The following USP7 variants were observed in gnomAD, a reference collection of about 807,000 sequenced individuals.
USP7 encodes ubiquitin C-terminal hydrolase 7.
In USP7, 9 loss-of-function variants were observed where a neutral mutation model predicts 162.9. That is an observed-to-expected ratio of 0.06 (90% CI 0.03 to 0.10). USP7 has a LOEUF of 0.10. USP7 is among the 10% of genes least tolerant of loss of function. USP7 has a pLI of 1.00. For missense variants in USP7, 715 were observed against 1,373.7 expected (o/e 0.52, Z 7.58); for synonymous variants, 562 against 475.9 (o/e 1.18, Z -2.35).
intron 25 of USP7, 78 bp from the exon 26 acceptor site, chr16:8,897,177 G>C (rs1489447928): frequency 1.7e-6 from 2 of 1,152,420 alleles, no homozygotes; most frequent in Non-Finnish European, 2.6e-6. Flanking sequence ...AGAGGAGAAA[G>C]TTGCATCATT....
At chr16:8,906,925 T>C (rs2061869522) in intron 12 of USP7, among the ~76,000 whole-genome samples, 1 of 152,254 alleles carries the variant, frequency 6.6e-6, no homozygotes, top group Non-Finnish European at 1.5e-5. Context: ...CCACTCTGAA[T>C]ATTGACTTAG....
intron 10 of USP7, among the ~76,000 whole-genome samples, chr16:8,912,684 G>A (rs2061966452): frequency 6.6e-6 from 1 of 150,924 alleles, no homozygotes; most frequent in African/African-American, 2.4e-5. Flanking sequence ...CACTTCGGGA[G>A]GCCAAGGCGG....
At chr16:8,915,142 A>G in intron 10 of USP7, 112 bp downstream of exon 10, 2 of 1,020,490 alleles carry the variant, frequency 2.0e-6, no homozygotes, top group Non-Finnish European at 2.8e-6. Flanking sequence ...TTAAGATCTG[A>G]GCCATTCTCT....
intron 1 of USP7, among the ~76,000 whole-genome samples, chr16:8,959,336 C>T (rs1484683808): frequency 6.9e-6 from 1 of 145,252 alleles, no homozygotes; most frequent in East Asian, 2.0e-4. Flanking sequence ...ACCTCTTTCT[C>T]CTTTTCCAAA....
chr16:8,934,448 A>AT (rs1567235690), intron 1 of USP7, among the ~76,000 whole-genome samples: 1 of 152,270 alleles, frequency 6.6e-6, no homozygotes, highest in Non-Finnish European at 1.5e-5. Context: ...TCAAGAGCGC[A>AT]TAACATCTTA....
At chr16:8,945,489 A>C (rs1323189093) in intron 1 of USP7, among the ~76,000 whole-genome samples, 1 of 152,206 alleles carries the variant, frequency 6.6e-6, no homozygotes, top group Non-Finnish European at 1.5e-5. Flanking sequence ...GGAACAGTTC[A>C]ACCTATAAAC....
At chr16:8,953,129 T>C (rs1490163190) in intron 1 of USP7, among the ~76,000 whole-genome samples, 1 of 152,120 alleles carries the variant, frequency 6.6e-6, no homozygotes, top group African/African-American at 2.4e-5. Flanking sequence ...CCACTATGCC[T>C]GGCCTCACCA....
In USP7 at chr16:8,943,551, G is replaced by A. The variant is rs186391071; in HGVS notation, c.80-13154C>T. ...CCCCAATGCCATGAGAAACACAAAC[G>A]ACTAACCAACAGGCTCCACCTCCCT... On this transcript the variant is annotated intron_variant, in intron 1 of 30. Coordinates refer to ENST00000344836, the MANE Select transcript of USP7 (RefSeq NM_003470.3). Among the ~76,000 whole-genome samples the A allele has an allele frequency of 2.7e-5, 4 of 150,774 alleles. No individual in the cohort carries two copies. The East Asian group carries it at 5.9e-4, about 22-fold the overall frequency.
At chr16:8,962,483 G>A (rs1418019253) in intron 1 of USP7, 3 of 450,688 alleles carry the variant, frequency 6.7e-6, no homozygotes, top group East Asian at 1.4e-4. Context: ...TACCTTTCGA[G>A]TCAGGTTTGA....
At chr16:8,955,534 C>A (rs980418260) in intron 1 of USP7, among the ~76,000 whole-genome samples, 1 of 151,982 alleles carries the variant, frequency 6.6e-6, no homozygotes, top group Admixed American at 6.5e-5. Context: ...ATGGGGAAAC[C>A]GTCTCTACTA....
intron 22 of USP7, 178 bp downstream of exon 22, chr16:8,899,426 T>C (rs2061740612): frequency 2.2e-6 from 2 of 890,136 alleles, no homozygotes; most frequent in Non-Finnish European, 1.7e-6. Context: ...GGTTCTTTTC[T>C]GATGGCGATT....
intron 4 of USP7, 46 bp downstream of exon 4, chr16:8,921,111 A>T (rs1596379182): frequency 6.4e-7 from 1 of 1,574,000 alleles, no homozygotes; most frequent in Non-Finnish European, 8.6e-7. Flanking sequence ...AGGGAACAAC[A>T]AGCAGTAATG....
chr16:8,963,200 G>C lies in USP7; in HGVS notation c.79+7C>G. The C allele has an allele frequency of 2.8e-6, 4 of 1,414,670 alleles. No homozygotes were observed. Among genetic ancestry groups the C allele is most frequent in the Middle Eastern group, 2.3e-4 (1 of 4,414 alleles). 87.6% of individuals were successfully genotyped at this position (1,414,670 alleles called of 1,614,324 possible). A position where few individuals can be genotyped will look rare whatever the true frequency, so the allele number is the denominator to read the frequency against. On this transcript the variant is annotated splice_region_variant and intron_variant, in intron 1 of 30. Transcript: ENST00000344836. ...CGGCCCCGCCGCGGCCGGCCCTCGG[G>C]CCTCACCTTCCATCTCCATGTCCTC...
intron 18 of USP7, chr16:8,901,826 TAGCAC>T: frequency 2.0e-6 from 1 of 494,326 alleles, no homozygotes; most frequent in Non-Finnish European, 3.6e-6. Context: ...CCAACGTGAT[TAGCAC>T]AGCACAGCAG....
At chr16:8,947,346 TC>T (rs565993351) in intron 1 of USP7, among the ~76,000 whole-genome samples, 54 of 148,044 alleles carry the variant, frequency 3.6e-4, no homozygotes, top group Admixed American at 1.2e-3. Context: ...TCCACAGCAC[TC>T]CCCCCCCCAA....
chr16:8,902,859 AGAGT>A (rs2141174930), intron 16 of USP7, among the ~76,000 whole-genome samples: 1 of 152,308 alleles, frequency 6.6e-6, no homozygotes, highest in African/African-American at 2.4e-5. Flanking sequence ...CTGGGCAACA[AGAGT>A]GAAACTCTGT....
At chr16:8,916,968 C>CT in intron 7 of USP7, 58 bp downstream of exon 7, 11 of 648,774 alleles carry the variant, frequency 1.7e-5, no homozygotes, top group Non-Finnish European at 2.6e-5. Flanking sequence ...CTCACTTGTC[C>CT]TAAAAAAAAA....
chr16:8,910,601 A>G (rs2061931193), intron 11 of USP7, 144 bp downstream of exon 11: 2 of 732,134 alleles, frequency 2.7e-6, no homozygotes, highest in Non-Finnish European at 4.4e-6. Context: ...TCCCCATTCA[A>G]TTATCCTACA....
intron 25 of USP7, among the ~76,000 whole-genome samples, chr16:8,897,710 A>T (rs1438194790): frequency 2.8e-5 from 1 of 35,406 alleles, no homozygotes; most frequent in Non-Finnish European, 5.6e-5. Context: ...AAAAAAAAAA[A>T]AAAAAAAAAA....
Sources: allele counts gnomAD v4.1 joint callset (sites outside exome capture counted in the v4.1 genomes callset), GRCh38; gene constraint gnomAD v4.1.1; transcripts MANE v1.5; gene names NCBI Gene and HGNC (gene_info 2026-07-23, HGNC 2026-07-21).